Variants in CLNS1A observed in about 807,000 individuals in gnomAD.
CLNS1A encodes methylosome subunit pICln.
Under a neutral mutation model 29.4 loss-of-function variants are expected in CLNS1A, and 16 were observed. The observed-to-expected ratio is 0.54, with a 90% CI of 0.37 to 0.83. CLNS1A has a LOEUF of 0.83. Ranked by LOEUF, CLNS1A falls within the 40% of genes least tolerant of loss-of-function variation. The pLI is 0.00. For synonymous variants in CLNS1A, 96 were observed against 104.8 expected (o/e 0.92, Z 0.51); for missense variants, 235 against 287.4 (o/e 0.82, Z 1.32).
chr11:77,637,265 T>G (rs7129009), intron 1 of CLNS1A, among the ~76,000 whole-genome samples: 65,633 of 90,946 alleles, frequency 0.72, 23,478 homozygotes, highest in African/African-American at 0.85. Flanking sequence ...AAAAAGAAAA[T>G]AAAAGAAAGA....
chr11:77,631,575 C>A (rs1313805491), intron 1 of CLNS1A, among the ~76,000 whole-genome samples: 1 of 152,010 alleles, frequency 6.6e-6, no homozygotes, highest in Admixed American at 6.6e-5. Flanking sequence ...CCTCGGCCTC[C>A]CAAAGTGCTG....
Position 77,633,105 on chromosome 11 carries a change from A to AG in CLNS1A, c.126-3207dup, listed in dbSNP as rs1959091494. Among the ~76,000 whole-genome samples the AG allele has an allele frequency of 2.0e-5, 3 of 150,970 alleles. No individual in the cohort carries two copies. In the South Asian group the frequency reaches 6.3e-4, roughly 32 times the overall value. ...ATCTCAAAAAAAAAAAAAAAAAAAA[A>AG]GAGATTTGACAGTACATTCATTTAA... On this transcript the variant is annotated intron_variant, in intron 1 of 6. Coordinates refer to ENST00000525428, the MANE Select transcript of CLNS1A (RefSeq NM_001293.3).
chr11:77,632,856 G>A (rs1959088444), intron 1 of CLNS1A, among the ~76,000 whole-genome samples: 1 of 152,008 alleles, frequency 6.6e-6, no homozygotes, highest in Non-Finnish European at 1.5e-5. Context: ...GGGAGGCCGA[G>A]GTGGATGGAT....
chr11:77,625,797 G>T lies in CLNS1A; in HGVS notation c.284C>A (p.Ala95Asp), dbSNP rs1359283582. 4 of 1,588,458 alleles carry T rather than the reference G, an allele frequency of 2.5e-6. No individual in the cohort carries two copies. Among genetic ancestry groups the T allele is most frequent in the Non-Finnish European group, 3.5e-6 (4 of 1,157,574 alleles). Residue 95 changes from alanine to aspartate, a missense_variant, in exon 3 of 7, where the codon GCT (alanine) becomes GAT (aspartate). Coordinates refer to ENST00000525428, the MANE Select transcript of CLNS1A (RefSeq NM_001293.3). ...ATCACTGTCTTCCTCTTCTTCATCA[G>T]CAACAGGTTCTTTTGATTCTTCTAG... is the stretch of plus-strand genomic sequence containing the variant. ...KFEEESKEPV[A>D]DEEEEDSDDD...
intron 5 of CLNS1A, among the ~76,000 whole-genome samples, chr11:77,621,230 T>C (rs1590794266): frequency 6.6e-6 from 1 of 151,178 alleles, no homozygotes; most frequent in African/African-American, 2.4e-5. Context: ...GAGGCAGAGG[T>C]TGCAGTAAGC....
Position 77,625,699 on chromosome 11 carries a change from A to G in CLNS1A, c.364+18T>C. 1 of 1,600,914 alleles carries G rather than the reference A, an allele frequency of 6.2e-7. No individual in the cohort carries two copies. Among genetic ancestry groups the G allele is most frequent in the Non-Finnish European group, 8.5e-7 (1 of 1,173,716 alleles). On this transcript the variant is annotated intron_variant, in intron 3 of 6. Transcript: ENST00000525428. ...TTGGTATGTAAAAGGGGAAGAATCA[A>G]TACTGTAGAACACTCACACGCTGAT...
chr11:77,623,836 A>G (rs550934585), intron 4 of CLNS1A, among the ~76,000 whole-genome samples: 1 of 152,248 alleles, frequency 6.6e-6, no homozygotes, highest in African/African-American at 2.4e-5. Context: ...ACTTCAAGCT[A>G]TAAAGACTCT....
intron 4 of CLNS1A, 105 bp from the exon 5 acceptor site, chr11:77,622,778 T>C (rs1958975381): frequency 2.3e-6 from 2 of 881,368 alleles, no homozygotes; most frequent in African/African-American, 3.4e-5. Context: ...TGAAACCCTA[T>C]CTCTACTAAA....
chr11:77,618,771 A>C (rs1958928540), intron 6 of CLNS1A: 1 of 152,252 alleles, frequency 6.6e-6, no homozygotes, highest in African/African-American at 2.4e-5. Flanking sequence ...GTTCAGAACT[A>C]AAATCTGTAT....
intron 5 of CLNS1A, among the ~76,000 whole-genome samples, chr11:77,620,612 A>G (rs1958947355): frequency 6.6e-6 from 1 of 152,144 alleles, no homozygotes; most frequent in African/African-American, 2.4e-5. Flanking sequence ...CAGCCTGGCC[A>G]ACATGGCAAA....
chr11:77,627,609 A>C (rs1959033614), intron 2 of CLNS1A, among the ~76,000 whole-genome samples: 1 of 152,184 alleles, frequency 6.6e-6, no homozygotes, highest in African/African-American at 2.4e-5. Flanking sequence ...TATAGAGCAC[A>C]TATTTAAAAC....
intron 3 of CLNS1A, 114 bp downstream of exon 3, chr11:77,625,603 A>G (rs1959008447): frequency 4.8e-6 from 4 of 826,872 alleles, no homozygotes; most frequent in Non-Finnish European, 7.3e-6. Context: ...AAGCAATAGA[A>G]TGGAGGTAAT....
intron 6 of CLNS1A, 66 bp downstream of exon 6, chr11:77,619,540 A>G: frequency 9.2e-7 from 1 of 1,090,852 alleles, no homozygotes; most frequent in Non-Finnish European, 1.4e-6. Flanking sequence ...GAATTTTAAA[A>G]AGTAGAAAGT....
At chr11:77,630,218 C>G (rs376657583) in intron 1 of CLNS1A, among the ~76,000 whole-genome samples, 10 of 152,262 alleles carry the variant, frequency 6.6e-5, no homozygotes, top group African/African-American at 2.4e-4. Context: ...TTTGCTTTTG[C>G]AAATCCTCCC....
rs1417749867 is a variant in CLNS1A, at chr11:77,637,510, C to G, written c.125+80G>C. ...CAGCAGGCCTCCAGGCCGCCCCTTG[C>G]CCGGCTCCTTCGCACCGCCTGCTCC... On this transcript the variant is annotated intron_variant, in intron 1 of 6. Coordinates refer to ENST00000525428, the MANE Select transcript of CLNS1A (RefSeq NM_001293.3). The G allele has an allele frequency of 4.0e-6, 6 of 1,482,262 alleles. No individual in the cohort carries two copies. In the East Asian group the frequency reaches 1.5e-4, roughly 37 times the overall value. The allele number at this position is 1,482,262 out of a possible 1,614,324, so 91.8% of individuals were successfully genotyped here.
chr11:77,631,608 C>T (rs1959075652), intron 1 of CLNS1A, among the ~76,000 whole-genome samples: 4 of 151,956 alleles, frequency 2.6e-5, no homozygotes, highest in South Asian at 4.1e-4. Flanking sequence ...TGAGCCACCA[C>T]ACCCTGCCCC....
Position 77,615,907 on chromosome 11 carries a change from A to T in CLNS1A, c.*811T>A, listed in dbSNP as rs1958902255. The T allele has an allele frequency of 6.6e-6, 1 of 152,234 alleles. No individual in the cohort carries two copies. The highest frequency in any genetic ancestry group is 2.4e-5 in the African/African-American group (1 of 41,458). 9.4% of individuals were successfully genotyped at this position (152,234 alleles called of 1,614,324 possible). A position where few individuals can be genotyped will look rare whatever the true frequency, so the allele number is the denominator to read the frequency against. On this transcript the variant is annotated 3_prime_UTR_variant, in exon 7 of 7. Transcript: ENST00000525428. ...AGGTATCTATGAAAACTAAAAATTG[A>T]GAGTTGATAAATATAAGAAATTACT...
intron 4 of CLNS1A, among the ~76,000 whole-genome samples, chr11:77,622,981 A>G (rs1251910568): frequency 6.7e-6 from 1 of 150,198 alleles, no homozygotes; most frequent in Non-Finnish European, 1.5e-5. Context: ...TCTGCTGAAG[A>G]TAATATACTG....
chr11:77,637,472 G>T lies in CLNS1A; in HGVS notation c.125+118C>A, dbSNP rs1215937563. ...CAGGTATCCCTGAGGCGTCGGGCAC[G>T]AGACCCCGCTCCCAGCAGGCCTCCA... On this transcript the variant is annotated intron_variant, in intron 1 of 6. Coordinates refer to ENST00000525428, the MANE Select transcript of CLNS1A (RefSeq NM_001293.3). 11 of 1,346,476 alleles carry T rather than the reference G, an allele frequency of 8.2e-6. No individual in the cohort carries two copies. In the African/African-American group the frequency reaches 1.6e-4, roughly 20 times the overall value. The allele number at this position is 1,346,476 out of a possible 1,614,324, so 83.4% of individuals were successfully genotyped here.
Sources: gnomAD v4.1 joint callset for allele counts (sites outside exome capture counted in the v4.1 genomes callset) on GRCh38, gnomAD v4.1.1 for gene constraint, MANE v1.5 for transcripts, NCBI Gene and HGNC (gene_info 2026-07-23, HGNC 2026-07-21) for gene names.